BTBD7: variants seen among roughly 807,000 people sequenced by gnomAD.
The protein encoded by BTBD7 is BTB/POZ domain-containing protein 7.
In BTBD7, 38 loss-of-function variants were observed where a neutral mutation model predicts 99.9. The observed-to-expected ratio is 0.38, with a 90% CI of 0.29 to 0.50. The LOEUF (loss-of-function observed/expected upper bound fraction) is 0.50, where lower values mean the gene tolerates loss of function less well. Among genes scored for constraint, BTBD7 ranks in the 20% least tolerant of loss-of-function variants. The pLI, the probability that BTBD7 is intolerant of heterozygous loss-of-function variation, is 0.93. For missense variants in BTBD7, 1,170 were observed against 1,394.6 expected (o/e 0.84, Z 2.57); for synonymous variants, 520 against 511.4 (o/e 1.02, Z -0.23).
chr14:93,273,162 C>T (rs1241829518), intron 3 of BTBD7, among the ~76,000 whole-genome samples: 1 of 152,138 alleles, frequency 6.6e-6, no homozygotes, highest in Non-Finnish European at 1.5e-5. Flanking sequence ...GTGATAACCC[C>T]TGCACATAGT....
At position 93,298,496 on chromosome 14, in the gene BTBD7, G is replaced by T. The variant is rs186382168; in HGVS notation, c.-106-2339C>A. Among the ~76,000 whole-genome samples, 902 of 152,218 alleles carry T rather than the reference G, an allele frequency of 5.9e-3. 5 individuals are homozygous for T. The highest frequency in any genetic ancestry group is 0.032 in the South Asian group (152 of 4,820). On this transcript the variant is annotated intron_variant, in intron 1 of 10. Coordinates refer to ENST00000334746, the MANE Select transcript of BTBD7 (RefSeq NM_001002860.4). ...TACCTTCAGGCTATGTGTATAAAGT[G>T]TGTATCAAACATAAATGAATTTTGT...
chr14:93,252,972 GCCA>G (rs2052385798), intron 7 of BTBD7, among the ~76,000 whole-genome samples: 1 of 151,984 alleles, frequency 6.6e-6, no homozygotes, highest in Admixed American at 6.6e-5. Context: ...CAGGGTGCAC[GCCA>G]CCACAACTGG....
At chr14:93,264,632 CT>C (rs2052522579) in intron 3 of BTBD7, among the ~76,000 whole-genome samples, 1 of 152,112 alleles carries the variant, frequency 6.6e-6, no homozygotes, top group South Asian at 2.1e-4. Context: ...AACTCTCCTC[CT>C]TAGGAAAGAT....
At chr14:93,243,614 C>A (rs1023127730) in intron 10 of BTBD7, among the ~76,000 whole-genome samples, 2 of 152,194 alleles carry the variant, frequency 1.3e-5, no homozygotes, top group African/African-American at 2.4e-5. Context: ...TTCTCCTTTG[C>A]ATATATACTG....
intron 5 of BTBD7, among the ~76,000 whole-genome samples, chr14:93,259,530 A>T (rs1219668257): frequency 6.6e-6 from 1 of 152,228 alleles, no homozygotes; most frequent in Admixed American, 6.5e-5. Flanking sequence ...TCCGTGAATG[A>T]CCATGAAAGT....
chr14:93,247,999 C>T (rs1355706331), intron 9 of BTBD7, among the ~76,000 whole-genome samples: 1 of 152,188 alleles, frequency 6.6e-6, no homozygotes, highest in Non-Finnish European at 1.5e-5. Flanking sequence ...GACCAAACCT[C>T]AAACCTAGTG....
At chr14:93,287,007 C>A (rs1216314312) in intron 3 of BTBD7, among the ~76,000 whole-genome samples, 1 of 142,878 alleles carries the variant, frequency 7.0e-6, no homozygotes, top group Non-Finnish European at 1.5e-5. Flanking sequence ...GCGGGTGGAT[C>A]ACCTGAGGTC....
At chr14:93,326,799 G>A (rs1172294326) in intron 1 of BTBD7, among the ~76,000 whole-genome samples, 1 of 90,948 alleles carries the variant, frequency 1.1e-5, no homozygotes, top group African/African-American at 9.6e-5. Flanking sequence ...GCAAAACTCT[G>A]TCTAAAAAAA....
Position 93,296,073 on chromosome 14 carries a change from T to C in BTBD7, c.-22A>G, listed in dbSNP as rs1265695805. 2 of 1,612,060 alleles carry C rather than the reference T, an allele frequency of 1.2e-6. No homozygotes were observed. The highest frequency in any genetic ancestry group is 1.7e-6 in the Non-Finnish European group (2 of 1,179,170). ...CCATTTTCTTCAGTCACTCAGGCATTCCGTCTGCGGGTTCTTCAGAGTATA... is the reference window on the plus strand; with the variant it reads ...CCATTTTCTTCAGTCACTCAGGCATCCCGTCTGCGGGTTCTTCAGAGTATA... On this transcript the variant is annotated 5_prime_UTR_variant, in exon 2 of 11. Transcript: ENST00000334746.
In BTBD7 at chr14:93,332,894, C is replaced by T; in HGVS notation, c.-181G>A. The T allele has an allele frequency of 7.1e-7, 1 of 1,410,734 alleles. No homozygotes were observed. Among genetic ancestry groups the T allele is most frequent in the Non-Finnish European group, 9.4e-7 (1 of 1,068,256 alleles). The allele number at this position is 1,410,734 out of a possible 1,614,324, so 87.4% of individuals were successfully genotyped here. On this transcript the variant is annotated 5_prime_UTR_variant, in exon 1 of 11. In the 5' UTR this introduces an upstream ATG that the reference lacks. Transcript: ENST00000334746. ...GCCTCCGCCGCCGCCGCCACCAGCACCGCCGTCCGCACCGGCGCCAGCACC... is the reference window on the plus strand; with the variant it reads ...GCCTCCGCCGCCGCCGCCACCAGCATCGCCGTCCGCACCGGCGCCAGCACC...
chr14:93,259,290 C>T (rs2052463534), intron 5 of BTBD7, among the ~76,000 whole-genome samples: 1 of 152,208 alleles, frequency 6.6e-6, no homozygotes, highest in South Asian at 2.1e-4. Flanking sequence ...GCTTACCTAA[C>T]TCATGTATTA....
intron 3 of BTBD7, among the ~76,000 whole-genome samples, chr14:93,287,159 G>A (rs1427448885): frequency 6.6e-6 from 1 of 151,318 alleles, no homozygotes; most frequent in Non-Finnish European, 1.5e-5. Flanking sequence ...AACCTGGGAG[G>A]CAGAGGTTGC....
At chr14:93,315,103 T>G (rs987399104) in intron 1 of BTBD7, among the ~76,000 whole-genome samples, 1 of 152,164 alleles carries the variant, frequency 6.6e-6, no homozygotes, top group Non-Finnish European at 1.5e-5. Flanking sequence ...TGCAAACATT[T>G]TTACATCAGA....
chr14:93,248,789 G>T, intron 8 of BTBD7, 135 bp from the exon 9 acceptor site: 1 of 806,214 alleles, frequency 1.2e-6, no homozygotes, highest in Non-Finnish European at 1.8e-6. Context: ...AATTTCCTGG[G>T]AACACATTCA....
intron 3 of BTBD7, among the ~76,000 whole-genome samples, chr14:93,293,414 C>A (rs72708566): frequency 6.6e-6 from 1 of 152,162 alleles, no homozygotes; most frequent in African/African-American, 2.4e-5. Context: ...TCTGATTCAA[C>A]TAAATTCGTA....
chr14:93,261,329 T>C (rs1008565959), intron 5 of BTBD7, among the ~76,000 whole-genome samples: 5 of 152,340 alleles, frequency 3.3e-5, no homozygotes, highest in Admixed American at 6.5e-5. Flanking sequence ...AATTTTTCAT[T>C]CTAGTACTTC....
intron 9 of BTBD7, among the ~76,000 whole-genome samples, chr14:93,247,571 C>G (rs1374805016): frequency 6.6e-6 from 1 of 152,190 alleles, no homozygotes; most frequent in African/African-American, 2.4e-5. Context: ...GTCTCGAACT[C>G]CTGACCTCAA....
At chr14:93,300,537 T>C (rs572881585) in intron 1 of BTBD7, among the ~76,000 whole-genome samples, 1 of 151,968 alleles carries the variant, frequency 6.6e-6, no homozygotes, top group Non-Finnish European at 1.5e-5. Flanking sequence ...ATTACAGGCA[T>C]GAGCCACTGG....
chr14:93,302,964 G>A (rs2053022696), intron 1 of BTBD7, among the ~76,000 whole-genome samples: 1 of 152,182 alleles, frequency 6.6e-6, no homozygotes, highest in African/African-American at 2.4e-5. Flanking sequence ...AGTGAGCTAT[G>A]AGCATGCCAG....
Sources: gnomAD v4.1 joint callset for allele counts (sites outside exome capture counted in the v4.1 genomes callset) on GRCh38, gnomAD v4.1.1 for gene constraint, MANE v1.5 for transcripts, NCBI Gene and HGNC (gene_info 2026-07-23, HGNC 2026-07-21) for gene names.